Variants in KANTR observed in about 807,000 individuals in gnomAD.
KANTR encodes the protein KDM5C adjacent transcript.
exon 3 of KANTR, chrX:53,124,735 C>T (rs1933272612): frequency 4.5e-6 from 1 of 220,509 alleles, no homozygotes; most frequent in African/African-American, 2.9e-5. Flanking sequence ...AAAATTTTAT[C>T]TCTTTGTTAT....
chrX:53,141,239 T>G (rs1933497827), intron 2 of KANTR, among the ~76,000 whole-genome samples: 1 of 112,331 alleles, frequency 8.9e-6, no homozygotes, highest in Non-Finnish European at 1.9e-5. Flanking sequence ...TTTGAACGTC[T>G]TGGTCCAGTG....
At chrX:53,101,501 C>T (rs943783264) in intron 2 of KANTR, among the ~76,000 whole-genome samples, 1 of 111,969 alleles carries the variant, frequency 8.9e-6, no homozygotes, top group South Asian at 3.7e-4. Context: ...GACTCGAATA[C>T]TTAGAAGCCA....
chrX:53,097,580 T>C (rs1186905149), intron 1 of KANTR, among the ~76,000 whole-genome samples: 2 of 104,462 alleles, frequency 1.9e-5, no homozygotes, highest in Non-Finnish European at 3.9e-5. Context: ...CTTGAACTCC[T>C]AACCTCAAGT....
At chrX:53,113,662 C>T (rs1460175504) in intron 2 of KANTR, among the ~76,000 whole-genome samples, 2 of 104,181 alleles carry the variant, frequency 1.9e-5, no homozygotes, top group Middle Eastern at 4.5e-3. Context: ...TCACTGCAAC[C>T]TCTGGCTCCT....
intron 2 of KANTR, among the ~76,000 whole-genome samples, chrX:53,110,499 G>A (rs140810530): frequency 0.067 from 7,499 of 111,858 alleles, 594 homozygotes; most frequent in African/African-American, 0.23. Flanking sequence ...TCCATTTAAT[G>A]TACTGTTAAA....
At chrX:53,101,746 C>A (rs781963786) in intron 2 of KANTR, among the ~76,000 whole-genome samples, 1 of 111,883 alleles carries the variant, frequency 8.9e-6, no homozygotes, top group South Asian at 3.7e-4. Flanking sequence ...GCCTGTAATC[C>A]CAGCACTTTG....
intron 2 of KANTR, among the ~76,000 whole-genome samples, chrX:53,109,740 C>T (rs906106351): frequency 2.0e-5 from 2 of 98,292 alleles, no homozygotes; most frequent in African/African-American, 3.5e-5. Context: ...TTTGTTCTAA[C>T]GGTTTTCTTT....
chrX:53,126,818 C>T (rs1381642530), exon 3 of KANTR: 1 of 111,406 alleles, frequency 9.0e-6, no homozygotes, highest in African/African-American at 3.3e-5. Flanking sequence ...AGTACCTATA[C>T]TATTCTTCTC....
intron 2 of KANTR, among the ~76,000 whole-genome samples, chrX:53,102,649 T>C (rs1256240548): frequency 8.9e-6 from 1 of 111,984 alleles, no homozygotes; most frequent in Non-Finnish European, 1.9e-5. Context: ...CCCTTTTTTC[T>C]TTCATGAAAT....
intron 2 of KANTR, among the ~76,000 whole-genome samples, chrX:53,135,813 G>A (rs1556817543): frequency 9.0e-6 from 1 of 111,703 alleles, no homozygotes; most frequent in Non-Finnish European, 1.9e-5. Flanking sequence ...GAGGGCAGCT[G>A]CTTAGGATGC....
chrX:53,100,805 C>CAAAAAG (rs1301497956), intron 2 of KANTR, among the ~76,000 whole-genome samples: 1 of 112,179 alleles, frequency 8.9e-6, no homozygotes, highest in Non-Finnish European at 1.9e-5. Context: ...TCTCAAAAAA[C>CAAAAAG]AAAAAGAAAA....
At chrX:53,117,524 G>A (rs1391194222) in intron 2 of KANTR, among the ~76,000 whole-genome samples, 1 of 108,733 alleles carries the variant, frequency 9.2e-6, no homozygotes, top group Admixed American at 1.0e-4. Context: ...TCATATTTGT[G>A]GGGATGCTTA....
At chrX:53,120,859 T>C (rs1462572147) in intron 2 of KANTR, among the ~76,000 whole-genome samples, 9 of 110,413 alleles carry the variant, frequency 8.2e-5, no homozygotes. Flanking sequence ...TAGCTGGGAT[T>C]ACAAGCGTGT....
At chrX:53,125,702 G>A (rs1177031072) in exon 3 of KANTR, 1 of 110,927 alleles carries the variant, frequency 9.0e-6, no homozygotes, top group Admixed American at 9.6e-5. Context: ...ACATACTGTT[G>A]TTTTCAAATA....
intron 2 of KANTR, among the ~76,000 whole-genome samples, chrX:53,101,721 G>T (rs1387553558): frequency 9.0e-6 from 1 of 111,599 alleles, no homozygotes; most frequent in Non-Finnish European, 1.9e-5. Context: ...ATCTAGGCGG[G>T]GTGCGGTAGC....
At chrX:53,105,861 T>TC (rs1367184787) in intron 2 of KANTR, among the ~76,000 whole-genome samples, 1 of 89,546 alleles carries the variant, frequency 1.1e-5, no homozygotes, top group Non-Finnish European at 2.2e-5. Flanking sequence ...TTTCTTTTTT[T>TC]TTTTTTTTTT....
At chrX:53,102,000 CAAAA>C (rs201162727) in intron 2 of KANTR, among the ~76,000 whole-genome samples, 5 of 43,391 alleles carry the variant, frequency 1.2e-4, no homozygotes, top group Non-Finnish European at 8.5e-5. Context: ...AACCCTGTCT[CAAAA>C]AAAAAAAAAA....
chrX:53,107,014 T>C, intron 2 of KANTR, among the ~76,000 whole-genome samples: 1 of 110,359 alleles, frequency 9.1e-6, no homozygotes, highest in Middle Eastern at 4.7e-3. Context: ...CTTAATTCTA[T>C]TCCATTGATT....
intron 2 of KANTR, among the ~76,000 whole-genome samples, chrX:53,108,926 TC>T (rs1932990519): frequency 1.8e-5 from 2 of 111,430 alleles, no homozygotes; most frequent in African/African-American, 6.5e-5. Flanking sequence ...GGTCTCAAAC[TC>T]CTAGATTCGA....
Sources: allele counts gnomAD v4.1 joint callset (sites outside exome capture counted in the v4.1 genomes callset), GRCh38; gene constraint gnomAD v4.1.1; transcripts MANE v1.5; gene names NCBI Gene and HGNC (gene_info 2026-07-23, HGNC 2026-07-21).